Variants in ZNF619 observed in about 807,000 individuals in gnomAD.
The protein encoded by ZNF619 is zinc finger protein 619.
A neutral mutation model predicts 14.2 loss-of-function variants in ZNF619; 9 were observed. The observed-to-expected ratio is 0.64, with a 90% CI of 0.38 to 1.11. The LOEUF (loss-of-function observed/expected upper bound fraction) is 1.11, where lower values mean the gene tolerates loss of function less well. ZNF619 is among the 50% of genes least tolerant of loss of function. ZNF619 has a pLI of 0.01. For missense variants in ZNF619, 659 were observed against 680.1 expected, an observed-to-expected ratio of 0.97 and a Z score of 0.34; for synonymous variants, 246 against 252.8, an observed-to-expected ratio of 0.97 and a Z score of 0.26.
At chr3:40,484,166 T>G (rs1303567768) in intron 4 of ZNF619, among the ~76,000 whole-genome samples, 1 of 152,180 alleles carries the variant, frequency 6.6e-6, no homozygotes, top group Non-Finnish European at 1.5e-5. Flanking sequence ...CCTCAAGTGA[T>G]TCTCCTGCCT....
At chr3:40,483,340 G>C (rs1313716300) in intron 4 of ZNF619, among the ~76,000 whole-genome samples, 1 of 151,434 alleles carries the variant, frequency 6.6e-6, no homozygotes, top group African/African-American at 2.4e-5. Context: ...GCCTAGGCTG[G>C]AGTGCAGTGG....
Position 40,487,229 on chromosome 3 carries a change from C to A in ZNF619, c.719C>A (p.Thr240Asn). 1.2e-6 allele frequency: 2 copies of A among 1,614,154 alleles called. No individual in the cohort carries two copies. The highest frequency in any genetic ancestry group is 1.7e-6 in the Non-Finnish European group (2 of 1,180,046). The change falls in exon 5 of 5, where the codon ACC (threonine) becomes AAC (asparagine). Residue 240 changes from threonine (T) to asparagine (N), a missense_variant. Thr to Asn is a moderately conservative substitution (Grantham distance 65). Coordinates refer to ENST00000432264, the MANE Select transcript of ZNF619 (RefSeq NM_001145093.4). ...TACACATGCAAAGAATGTGGGAAAA[C>A]CTTCAGATATAACTCAAAACTGTCA... ...KPYTCKECGK[T>N]FRYNSKLSRH...
rs768797105 is a variant in ZNF619, at chr3:40,488,184, C to T, written c.1674C>T (p.Leu558=). 13 of 1,612,136 alleles carry T rather than the reference C, an allele frequency of 8.1e-6. No homozygotes were observed. The highest frequency in any genetic ancestry group is 2.7e-5 in the African/African-American group (2 of 74,864). ...PVQIAHFFQD[L]AFPGKSSLQS... ...AAATAGCACATTTTTTTCAGGATCT[C>T]GCTTTTCCTGGGAAGTCATCCCTTC... Residue 558 remains leucine (L), a synonymous_variant, in exon 5 of 5, where the codon CTC becomes CTT. Coordinates refer to ENST00000432264, the MANE Select transcript of ZNF619 (RefSeq NM_001145093.4).
chr3:40,478,932 T>C (rs1320534761), intron 2 of ZNF619, among the ~76,000 whole-genome samples: 1 of 152,182 alleles, frequency 6.6e-6, no homozygotes, highest in East Asian at 1.9e-4. Flanking sequence ...CTCCTGGTGC[T>C]TTGCCTGAAG....
intron 4 of ZNF619, among the ~76,000 whole-genome samples, chr3:40,484,086 C>T (rs772103608): frequency 3.2e-4 from 48 of 152,080 alleles, no homozygotes; most frequent in Non-Finnish European, 5.6e-4. Context: ...CCACCACACC[C>T]GGCTAATTTT....
rs764653584 is a variant in ZNF619, at chr3:40,482,614, C to G, written c.205C>G (p.Leu69Val). Residue 69 changes from leucine to valine, a missense_variant, in exon 4 of 5, where the codon CTG (leucine) becomes GTG (valine). Physicochemically the swap from Leu to Val is conservative, Grantham distance 32. Transcript: ENST00000432264. Reference protein sequence around the residue: ...LSAFPFPKPDLIFQLEQGEAA... With the variant: ...LSAFPFPKPDVIFQLEQGEAA... ...AGCATTTCCATTCCCCAAACCAGAT[C>G]TGATATTCCAGCTGGAGCAAGGAGA... 6.2e-7 allele frequency: 1 copy of G among 1,614,128 alleles called. No individual in the cohort carries two copies. The highest frequency in any genetic ancestry group is 1.7e-5 in the Admixed American group (1 of 60,008).
intron 4 of ZNF619, chr3:40,483,744 T>C (rs1345148473): frequency 2.5e-6 from 1 of 400,082 alleles, no homozygotes; most frequent in Admixed American, 2.8e-5. Context: ...TTCTCCTGCC[T>C]CAACCTCCCA....
intron 3 of ZNF619, 186 bp downstream of exon 3, chr3:40,482,202 C>T (rs762344608): frequency 9.4e-5 from 145 of 1,549,852 alleles, no homozygotes; most frequent in Non-Finnish European, 1.3e-4. Context: ...TTTAACAGGA[C>T]TTTTCTCTTC....
intron 3 of ZNF619, 75 bp downstream of exon 3, chr3:40,482,091 A>G: frequency 6.4e-7 from 1 of 1,552,674 alleles, no homozygotes; most frequent in Admixed American, 2.0e-5. Context: ...CAGAACTAGG[A>G]TCTCTTTAAT....
chr3:40,484,628 G>A (rs1403176506), intron 4 of ZNF619, among the ~76,000 whole-genome samples: 1 of 152,166 alleles, frequency 6.6e-6, no homozygotes, highest in Non-Finnish European at 1.5e-5. Context: ...CTTGCCACAG[G>A]TGTACATTTT....
In ZNF619 at chr3:40,477,137, CG is replaced by C. The variant is rs1469476015; in HGVS notation, c.-281del. On this transcript the variant is annotated 5_prime_UTR_variant, in exon 1 of 5. Coordinates refer to ENST00000432264, the MANE Select transcript of ZNF619 (RefSeq NM_001145093.4). ...TAGAGAGGCTGTAGGGACCGACGGC[CG>C]GCCAGCTAATGCTTCCGTCTTGGCC... The C allele has an allele frequency of 6.6e-6, 1 of 152,266 alleles. No individual in the cohort carries two copies. Among genetic ancestry groups the C allele is most frequent in the Non-Finnish European group, 1.5e-5 (1 of 68,076 alleles). 9.4% of individuals were successfully genotyped at this position (152,266 alleles called of 1,614,324 possible).
chr3:40,478,296 A>C (rs930105449), intron 2 of ZNF619, among the ~76,000 whole-genome samples: 15 of 152,172 alleles, frequency 9.9e-5, no homozygotes, highest in African/African-American at 3.4e-4. Context: ...CTTGTTAGGC[A>C]AAATGTCAGG....
At chr3:40,484,072 C>T (rs1697500222) in intron 4 of ZNF619, among the ~76,000 whole-genome samples, 1 of 151,888 alleles carries the variant, frequency 6.6e-6, no homozygotes, top group Non-Finnish European at 1.5e-5. Context: ...ATTACAGGCG[C>T]CCGCCACCAC....
intron 4 of ZNF619, 128 bp downstream of exon 4, chr3:40,482,832 A>G: frequency 1.4e-6 from 1 of 690,376 alleles, no homozygotes; most frequent in Non-Finnish European, 2.4e-6. Context: ...CTCTTATTCA[A>G]AGAAGTGTTG....
rs748884953 is a variant in ZNF619, at chr3:40,477,332, A to T, written c.-88A>T. On this transcript the variant is annotated 5_prime_UTR_variant, in exon 1 of 5. Coordinates refer to ENST00000432264, the MANE Select transcript of ZNF619 (RefSeq NM_001145093.4). ...CGCCCTCGACCTTCCTGCTCCGAGG[A>T]GCTGGCCTGATGTCCTCGGGTCGCG... 2.0e-5 allele frequency: 3 copies of T among 152,944 alleles called. No homozygotes were observed. Among genetic ancestry groups the T allele is most frequent in the Non-Finnish European group, 2.9e-5 (2 of 68,636 alleles). The allele number at this position is 152,944 out of a possible 1,614,324, so 9.5% of individuals were successfully genotyped here. A position where few individuals can be genotyped will look rare whatever the true frequency, so the allele number is the denominator to read the frequency against.
At position 40,482,588 on chromosome 3, in the gene ZNF619, C is replaced by T. The variant is rs764548884; in HGVS notation, c.179C>T (p.Ser60Leu). Residue 60 changes from serine to leucine, a missense_variant and splice_region_variant, in exon 4 of 5, where the codon TCA (serine) becomes TTA (leucine). Coordinates refer to ENST00000432264, the MANE Select transcript of ZNF619 (RefSeq NM_001145093.4). ...LENYANVTSLSAFPFPKPDLI... is the reference protein window; with the variant it reads ...LENYANVTSLLAFPFPKPDLI... ...CATGTTCCTTTTCTTTCTCCTGTAG[C>T]AGCATTTCCATTCCCCAAACCAGAT... 9 of 1,613,848 alleles carry T rather than the reference C, an allele frequency of 5.6e-6. No individual in the cohort carries two copies. In the South Asian group the frequency reaches 8.8e-5, roughly 16 times the overall value.
chr3:40,487,003 GTCCAGGATCATGAATC>G lies in ZNF619; in HGVS notation c.495_510del (p.Gln166ProfsTer8), dbSNP rs759557333. ...GATAGGGGATTGCACAGATTTGACAGTCCAGGATCATGAATCTTCCACCACTGAAAGGGAGGAGATA... is the reference window on the plus strand; with the variant it reads ...GATAGGGGATTGCACAGATTTGACAGTTCCACCACTGAAAGGGAGGAGATA... On this transcript the variant is annotated frameshift_variant, in exon 5 of 5. Coordinates refer to ENST00000432264, the MANE Select transcript of ZNF619 (RefSeq NM_001145093.4). LOFTEE classifies it low-confidence loss of function (END_TRUNC). The G allele has an allele frequency of 8.7e-6, 14 of 1,614,186 alleles. No individual in the cohort carries two copies. Among genetic ancestry groups the G allele is most frequent in the Non-Finnish European group, 1.2e-5 (14 of 1,180,028 alleles).
At position 40,489,134 on chromosome 3, in the gene ZNF619, C is replaced by T. The variant is rs549436895; in HGVS notation, c.*893C>T. 42 of 151,240 alleles carry T rather than the reference C, an allele frequency of 2.8e-4. No individual in the cohort carries two copies. The highest frequency in any genetic ancestry group is 9.9e-4 in the African/African-American group (41 of 41,308). 9.4% of individuals were successfully genotyped at this position (151,240 alleles called of 1,614,324 possible). On this transcript the variant is annotated 3_prime_UTR_variant, in exon 5 of 5. Coordinates refer to ENST00000432264, the MANE Select transcript of ZNF619 (RefSeq NM_001145093.4). ...TGATAGCAATAATGTAAAATTATGT[C>T]TTTGAGCTTTATTGGAAGGGGATAT... is the stretch of plus-strand genomic sequence containing the variant.
intron 2 of ZNF619, among the ~76,000 whole-genome samples, chr3:40,480,901 A>G (rs1381330466): frequency 1.3e-5 from 2 of 152,192 alleles, no homozygotes; most frequent in Non-Finnish European, 2.9e-5. Context: ...CTACAGTGTG[A>G]GTCAGAGATA....
Sources: allele counts gnomAD v4.1 joint callset (sites outside exome capture counted in the v4.1 genomes callset), GRCh38; gene constraint gnomAD v4.1.1; transcripts MANE v1.5; gene names NCBI Gene and HGNC (gene_info 2026-07-23, HGNC 2026-07-21).